CAMTA1: variants seen among roughly 807,000 people sequenced by gnomAD.
CAMTA1 encodes calmodulin binding transcription activator 1.
In CAMTA1, 27 loss-of-function variants were observed where a neutral mutation model predicts 170.9. The ratio of observed to expected loss-of-function variants is 0.16; its 90% CI spans 0.12 to 0.22. CAMTA1 has a LOEUF of 0.22. CAMTA1 is among the 10% of genes least tolerant of loss of function. The pLI is 1.00. For synonymous variants in CAMTA1, 833 were observed against 891.5 expected (o/e 0.93, Z 1.17); for missense variants, 1,619 against 2,217.2 (o/e 0.73, Z 5.42).
At chr1:6,824,291 G>A (rs913374256) in intron 2 of CAMTA1, among the ~76,000 whole-genome samples, 1 of 151,936 alleles carries the variant, frequency 6.6e-6, no homozygotes, top group Non-Finnish European at 1.5e-5. Context: ...TTATAGGAGT[G>A]AAAAAATAAA....
chr1:7,601,094 G>A (rs1283011957), intron 6 of CAMTA1, among the ~76,000 whole-genome samples: 39 of 151,418 alleles, frequency 2.6e-4, no homozygotes, highest in South Asian at 1.3e-3. Context: ...CGGAAGGGGC[G>A]GCTGGCCGGG....
intron 3 of CAMTA1, among the ~76,000 whole-genome samples, chr1:6,881,925 C>T (rs1671741818): frequency 6.6e-6 from 1 of 151,924 alleles, no homozygotes; most frequent in East Asian, 1.9e-4. Flanking sequence ...GGAGATCGCA[C>T]CACTGCACTC....
chr1:7,415,914 T>G (rs1318191350), intron 5 of CAMTA1, among the ~76,000 whole-genome samples: 2 of 152,342 alleles, frequency 1.3e-5, no homozygotes, highest in Admixed American at 6.5e-5. Context: ...TTCCTTTCCA[T>G]GTTTAGTGCT....
chr1:7,279,824 G>A (rs1056343498), intron 5 of CAMTA1, among the ~76,000 whole-genome samples: 1 of 152,134 alleles, frequency 6.6e-6, no homozygotes, highest in Non-Finnish European at 1.5e-5. Flanking sequence ...ATGAGAAGAA[G>A]CCTGAGCTAC....
intron 6 of CAMTA1, among the ~76,000 whole-genome samples, chr1:7,507,225 T>A (rs1030659621): frequency 1.3e-5 from 2 of 151,262 alleles, no homozygotes; most frequent in African/African-American, 4.9e-5. Context: ...GATACACACT[T>A]GCTCACACAA....
Position 7,680,898 on chromosome 1 carries a change from CTT to C in CAMTA1, c.2914+3167_2914+3168del, listed in dbSNP as rs2096196664. On this transcript the variant is annotated intron_variant, in intron 11 of 22. Transcript: ENST00000303635. This position sits in a 1 kb window ranked among gnomAD's most constrained non-coding sequence, Gnocchi z 4.4. ...GCAGCAGCAGCTGCTGCGGCGAAGT[CTT>C]TGTCCCCGCGGCGCAGCCTTTGTCC... 8.6e-5 allele frequency among the ~76,000 whole-genome samples: 13 copies of C among 150,346 alleles called. No homozygotes were observed. The highest frequency in any genetic ancestry group is 1.8e-4 in the Non-Finnish European group (12 of 67,576).
intron 4 of CAMTA1, among the ~76,000 whole-genome samples, chr1:7,115,662 T>C (rs1286302815): frequency 6.7e-6 from 1 of 148,334 alleles, no homozygotes; most frequent in African/African-American, 2.5e-5. Flanking sequence ...GGAGAGCTGA[T>C]GATGTTGTTC....
At chr1:7,670,392 C>T (rs1297964212) in intron 9 of CAMTA1, among the ~76,000 whole-genome samples, 3 of 152,200 alleles carry the variant, frequency 2.0e-5, no homozygotes, top group Admixed American at 6.5e-5. Flanking sequence ...CTTGCCATCC[C>T]CACAGCCTGG....
intron 4 of CAMTA1, among the ~76,000 whole-genome samples, chr1:7,235,487 G>A (rs572836364): frequency 3.7e-4 from 57 of 152,280 alleles, no homozygotes; most frequent in Middle Eastern, 6.8e-3. Context: ...TTAGCTGGGC[G>A]TGTTTGGTGG....
intron 8 of CAMTA1, among the ~76,000 whole-genome samples, chr1:7,662,924 G>A (rs1415244242): frequency 1.3e-5 from 2 of 152,186 alleles, no homozygotes; most frequent in Admixed American, 1.3e-4. Flanking sequence ...GGGAGGGGAG[G>A]TGGGGCAGGA....
intron 5 of CAMTA1, among the ~76,000 whole-genome samples, chr1:7,282,606 G>A (rs1269471872): frequency 6.6e-6 from 1 of 152,042 alleles, no homozygotes; most frequent in African/African-American, 2.4e-5. Flanking sequence ...TGACCTCTCT[G>A]GCCACTCCTT....
intron 3 of CAMTA1, among the ~76,000 whole-genome samples, chr1:6,862,893 A>G (rs980079046): frequency 2.0e-5 from 3 of 152,262 alleles, no homozygotes; most frequent in Non-Finnish European, 4.4e-5. Context: ...GCTTAATCAA[A>G]TAATCTCATC....
At chr1:7,310,628 CTTTCTTTCTTTCTTTCTTT>C (rs1405400283) in intron 5 of CAMTA1, among the ~76,000 whole-genome samples, 62 of 7,904 alleles carry the variant, frequency 7.8e-3, no homozygotes, top group Non-Finnish European at 9.5e-3. Flanking sequence ...TTCTTTCTTT[CTTTCTTTCTTTCTTTCTTT>C]TTTCTTTCTT....
chr1:7,016,966 G>T (rs1284201768), intron 3 of CAMTA1, among the ~76,000 whole-genome samples: 1 of 152,144 alleles, frequency 6.6e-6, no homozygotes, highest in Non-Finnish European at 1.5e-5. Flanking sequence ...CTCCCTCCCT[G>T]CCTACTCACC....
rs11120984 is a variant in CAMTA1, at chr1:7,590,013, C to T, written c.511-50387C>T. ...GCCCTTTGCACACCCTGGCTTGGTA[C>T]GATCGCATGGAGCTTGCCCCTGAAA... is the stretch of plus-strand genomic sequence containing the variant. On this transcript the variant is annotated intron_variant, in intron 6 of 22. Coordinates refer to ENST00000303635, the MANE Select transcript of CAMTA1 (RefSeq NM_015215.4). 6.4e-3 allele frequency among the ~76,000 whole-genome samples: 973 copies of T among 152,258 alleles called. 9 individuals are homozygous for T. The highest frequency in any genetic ancestry group is 0.019 in the African/African-American group (788 of 41,556).
rs549232393 is a variant in CAMTA1 at position 7,481,759 on chromosome 1, A to AG, written c.510+13860dup. 5.3e-5 allele frequency among the ~76,000 whole-genome samples: 8 copies of AG among 151,892 alleles called. No individual in the cohort carries two copies. In the East Asian group the frequency reaches 1.5e-3, roughly 29 times the overall value. ...CAGCACACCTCCCCCAAGTCTTTCA[A>AG]GGTGCATAGCATTAACCAAAGTTCA... is the stretch of plus-strand genomic sequence containing the variant. On this transcript the variant is annotated intron_variant, in intron 6 of 22. Transcript: ENST00000303635.
intron 11 of CAMTA1, among the ~76,000 whole-genome samples, chr1:7,705,739 C>A (rs1335595534): frequency 6.6e-6 from 1 of 152,110 alleles, no homozygotes; most frequent in Non-Finnish European, 1.5e-5. Context: ...GATCGGGCGA[C>A]GGGGGACTGT....
intron 3 of CAMTA1, among the ~76,000 whole-genome samples, chr1:6,908,398 C>A (rs553184575): frequency 6.6e-6 from 1 of 152,254 alleles, no homozygotes; most frequent in South Asian, 2.1e-4. Context: ...AAATGCTGCC[C>A]GCTGCTCGCT....
intron 3 of CAMTA1, among the ~76,000 whole-genome samples, chr1:6,989,350 T>C (rs555918123): frequency 3.1e-4 from 47 of 152,344 alleles, no homozygotes; most frequent in African/African-American, 1.1e-3. Flanking sequence ...TAATTTCCTT[T>C]GAGAAAGCGA....
Sources: allele counts gnomAD v4.1 joint callset (sites outside exome capture counted in the v4.1 genomes callset), GRCh38; gene constraint gnomAD v4.1.1; non-coding constraint Gnocchi (gnomAD v3.1); transcripts MANE v1.5; gene names NCBI Gene and HGNC (gene_info 2026-07-23, HGNC 2026-07-21).